The following CROT variants were observed in gnomAD, a reference collection of about 807,000 sequenced individuals.
CROT encodes carnitine O-octanoyltransferase.
CROT carries 84 observed loss-of-function variants against 89.2 expected under a neutral mutation model. The observed-to-expected ratio is 0.94, with a 90% CI of 0.79 to 1.13. The LOEUF is 1.13. Among genes scored for constraint, CROT ranks in the 50% most tolerant of loss-of-function variants. The pLI, the probability that CROT is intolerant of heterozygous loss-of-function variation, is 0.00. For synonymous variants in CROT, 212 were observed against 239.5 expected (o/e 0.89, Z 1.06); for missense variants, 711 against 727.8 (o/e 0.98, Z 0.27).
intron 3 of CROT, 24 bp downstream of exon 3, chr7:87,349,207 A>T: frequency 8.9e-7 from 1 of 1,125,262 alleles, no homozygotes; most frequent in Non-Finnish European, 1.3e-6. Flanking sequence ...CTTTTAGTAT[A>T]TATTAATATT....
chr7:87,356,729 A>G (rs972831055), intron 3 of CROT, among the ~76,000 whole-genome samples: 7 of 152,220 alleles, frequency 4.6e-5, no homozygotes, highest in African/African-American at 1.7e-4. Flanking sequence ...TGTTTAAGAT[A>G]TAGCAAGAAC....
At chr7:87,357,465 A>T (rs1485164114) in intron 3 of CROT, 3 of 1,551,428 alleles carry the variant, frequency 1.9e-6, no homozygotes, top group Non-Finnish European at 2.6e-6. Context: ...GTGCAGGCTG[A>T]ATCTCCTCAG....
Position 87,354,703 on chromosome 7 carries a change from C to T in CROT, c.116-4503C>T, listed in dbSNP as rs6465109. On this transcript the variant is annotated intron_variant, in intron 3 of 17. Coordinates refer to ENST00000331536, the MANE Select transcript of CROT (RefSeq NM_021151.4). The stretch of plus-strand genomic sequence containing the variant: ...AAAAAGCAGTGAGACACAGTAAAAG[C>T]TGAACTTCTGGGATATGATTCTGAG... Among the ~76,000 whole-genome samples, 1,118 of 152,218 alleles carry T rather than the reference C, an allele frequency of 7.3e-3. 13 individuals are homozygous for T. The highest frequency in any genetic ancestry group is 0.025 in the African/African-American group (1,049 of 41,538).
At chr7:87,353,291 T>C (rs1465029892) in intron 3 of CROT, among the ~76,000 whole-genome samples, 1 of 151,882 alleles carries the variant, frequency 6.6e-6, no homozygotes, top group African/African-American at 2.4e-5. Context: ...GGGATTACAG[T>C]CATGCACCAC....
Position 87,382,463 on chromosome 7 carries a change from G to A in CROT, c.1221G>A (p.Lys407=). ...AAYAFTSFGK[K]LTKNKMLHPD... ...ATGCCTTTACATCTTTTGGCAAAAA[G>A]CTAACCAAGAACAAGATGCTTCACC... Residue 407 remains lysine, a synonymous_variant, in exon 13 of 18, where the codon AAG becomes AAA. Coordinates refer to ENST00000331536, the MANE Select transcript of CROT (RefSeq NM_021151.4). The A allele has an allele frequency of 6.2e-7, 1 of 1,613,934 alleles. No individual in the cohort carries two copies. Among genetic ancestry groups the A allele is most frequent in the Non-Finnish European group, 8.5e-7 (1 of 1,179,894 alleles).
intron 2 of CROT, among the ~76,000 whole-genome samples, chr7:87,346,889 T>C (rs916189550): frequency 6.6e-6 from 1 of 152,354 alleles, no homozygotes; most frequent in Middle Eastern, 3.4e-3. Context: ...TGGCTTAGAA[T>C]TTCACAAAAC....
At position 87,392,713 on chromosome 7, in the gene CROT, T is replaced by C. The variant is rs1807405892; in HGVS notation, c.1505-17T>C. 1.2e-6 allele frequency: 2 copies of C among 1,611,466 alleles called. No individual in the cohort carries two copies. The highest frequency in any genetic ancestry group is 1.1e-5 in the South Asian group (1 of 90,782). On this transcript the variant is annotated splice_polypyrimidine_tract_variant and intron_variant, in intron 15 of 17. Transcript: ENST00000331536. ...GAAAAATTTTTTTCTAACCTGAGAT[T>C]TGGGGTTTCATTGCAGGATTTGATC...
chr7:87,361,696 T>A, intron 5 of CROT, 32 bp from the exon 6 acceptor site: 1 of 1,551,508 alleles, frequency 6.4e-7, no homozygotes, highest in Non-Finnish European at 8.7e-7. Context: ...AATTTTATAA[T>A]GACTTTTTGA....
chr7:87,391,486 G>T, intron 13 of CROT, 103 bp from the exon 14 acceptor site: 1 of 1,119,596 alleles, frequency 8.9e-7, no homozygotes, highest in Non-Finnish European at 1.2e-6. Flanking sequence ...TGTGTTAAAG[G>T]GCTTAGTCTC....
At chr7:87,379,435 A>G (rs573181967) in intron 10 of CROT, among the ~76,000 whole-genome samples, 11 of 152,322 alleles carry the variant, frequency 7.2e-5, no homozygotes, top group African/African-American at 2.4e-4. Context: ...GAGTAAGTCA[A>G]TCTCATCAAG....
intron 13 of CROT, 34 bp downstream of exon 13, chr7:87,382,577 T>G: frequency 1.3e-6 from 2 of 1,591,904 alleles, no homozygotes; most frequent in Non-Finnish European, 1.7e-6. Context: ...TTCACAGTCT[T>G]GAAGTCCAAG....
intron 7 of CROT, among the ~76,000 whole-genome samples, chr7:87,374,480 G>A (rs995687119): frequency 2.0e-5 from 3 of 151,996 alleles, no homozygotes; most frequent in Non-Finnish European, 4.4e-5. Context: ...GTACCATATG[G>A]AGAGAAACAG....
intron 17 of CROT, among the ~76,000 whole-genome samples, chr7:87,395,827 CG>C (rs1201181224): frequency 6.6e-6 from 1 of 151,952 alleles, no homozygotes; most frequent in Non-Finnish European, 1.5e-5. Flanking sequence ...GGCTCTAGAT[CG>C]GGGGTTATAA....
At chr7:87,377,628 T>C (rs140658553) in intron 10 of CROT, among the ~76,000 whole-genome samples, 178 bp downstream of exon 10, 22 of 152,308 alleles carry the variant, frequency 1.4e-4, no homozygotes, top group African/African-American at 5.1e-4. Context: ...TATTTTCTTC[T>C]GTAGTAAGGC....
intron 4 of CROT, chr7:87,359,595 C>T: frequency 8.3e-7 from 1 of 1,198,250 alleles, no homozygotes; most frequent in South Asian, 2.1e-5. Context: ...TTAACAATCA[C>T]TTCATGTGGT....
intron 6 of CROT, 119 bp downstream of exon 6, chr7:87,361,971 G>A: frequency 1.1e-6 from 1 of 890,090 alleles, no homozygotes; most frequent in Non-Finnish European, 1.6e-6. Flanking sequence ...ACAAAGAAAG[G>A]TTTTCTGTGA....
chr7:87,367,251 A>C (rs1017711205), intron 6 of CROT, among the ~76,000 whole-genome samples: 7 of 152,206 alleles, frequency 4.6e-5, no homozygotes, highest in African/African-American at 1.7e-4. Context: ...AGAGAACCAA[A>C]GAGATGGAAG....
chr7:87,354,918 C>T (rs1271051927), intron 3 of CROT, among the ~76,000 whole-genome samples: 1 of 152,140 alleles, frequency 6.6e-6, no homozygotes, highest in East Asian at 1.9e-4. Context: ...ATGAATTCCC[C>T]TTCACAAATC....
intron 6 of CROT, among the ~76,000 whole-genome samples, chr7:87,364,136 T>C (rs550359072): frequency 4.9e-4 from 74 of 152,286 alleles, no homozygotes; most frequent in African/African-American, 1.7e-3. Flanking sequence ...CATAGGCAGT[T>C]GGATTCAAGA....
Sources: allele counts gnomAD v4.1 joint callset (sites outside exome capture counted in the v4.1 genomes callset), GRCh38; gene constraint gnomAD v4.1.1; transcripts MANE v1.5; gene names NCBI Gene and HGNC (gene_info 2026-07-23, HGNC 2026-07-21).